The following KCNN2 variants were observed in gnomAD, a reference collection of about 807,000 sequenced individuals.
KCNN2 encodes small conductance calcium-activated potassium channel protein 2.
Under a neutral mutation model 55.5 loss-of-function variants are expected in KCNN2, and 24 were observed. The observed-to-expected ratio is 0.43, with a 90% confidence interval of 0.31 to 0.61. The LOEUF is 0.61. Among genes scored for constraint, KCNN2 ranks in the 20% least tolerant of loss-of-function variants. KCNN2 has a pLI of 0.08. For synonymous variants in KCNN2, 431 were observed against 336.1 expected, an observed-to-expected ratio of 1.28 and a Z score of -3.09; for missense variants, 754 against 853.6, an observed-to-expected ratio of 0.88 and a Z score of 1.45.
chr5:114,095,516 A>G (rs2112561497), intron 1 of KCNN2, among the ~76,000 whole-genome samples: 1 of 152,290 alleles, frequency 6.6e-6, no homozygotes, highest in South Asian at 2.1e-4. Context: ...TCACAGTGGA[A>G]TTACAAATTA....
intron 2 of KCNN2, among the ~76,000 whole-genome samples, chr5:114,291,445 T>C (rs1034161913): frequency 1.3e-5 from 2 of 152,112 alleles, no homozygotes; most frequent in Admixed American, 6.6e-5. Flanking sequence ...CAGTGTTCGG[T>C]TTTTTGTCCT....
chr5:114,295,706 C>G (rs759951677), intron 2 of KCNN2, among the ~76,000 whole-genome samples: 1 of 152,110 alleles, frequency 6.6e-6, no homozygotes, highest in Admixed American at 6.5e-5. Flanking sequence ...ACTAAACCCA[C>G]TTTCCTGCAC....
intron 3 of KCNN2, among the ~76,000 whole-genome samples, chr5:114,418,128 G>A (rs1279193491): frequency 1.3e-5 from 2 of 152,226 alleles, no homozygotes; most frequent in East Asian, 3.9e-4. Context: ...GATTACTAAT[G>A]GGAATATTAT....
chr5:114,292,691 A>G (rs533125615), intron 2 of KCNN2, among the ~76,000 whole-genome samples: 2 of 152,274 alleles, frequency 1.3e-5, no homozygotes, highest in Non-Finnish European at 2.9e-5. Flanking sequence ...TTTTGGTTCC[A>G]TATGAAGTTT....
intron 2 of KCNN2, among the ~76,000 whole-genome samples, chr5:114,254,794 A>C (rs1412956801): frequency 6.6e-6 from 1 of 152,176 alleles, no homozygotes; most frequent in Non-Finnish European, 1.5e-5. Flanking sequence ...TGTAACTTAA[A>C]AACAAGCAAA....
intron 3 of KCNN2, among the ~76,000 whole-genome samples, chr5:114,439,310 T>A (rs2150093192): frequency 6.6e-6 from 1 of 152,302 alleles, no homozygotes; most frequent in Non-Finnish European, 1.5e-5. Context: ...GTTCTTTTTT[T>A]AAAGAGAAAA....
At chr5:114,345,241 G>GA (rs977899993) in intron 2 of KCNN2, among the ~76,000 whole-genome samples, 20 of 151,068 alleles carry the variant, frequency 1.3e-4, no homozygotes, top group East Asian at 3.9e-4. Flanking sequence ...ACTCTTTGTG[G>GA]AAAAAAAAAT....
intron 1 of KCNN2, among the ~76,000 whole-genome samples, chr5:114,099,460 A>G (rs901822851): frequency 3.3e-5 from 5 of 152,122 alleles, no homozygotes; most frequent in Non-Finnish European, 5.9e-5. Flanking sequence ...GACTATTATT[A>G]GAGTCTTTTT....
chr5:114,315,315 G>T (rs1756478995), intron 2 of KCNN2, among the ~76,000 whole-genome samples: 1 of 151,884 alleles, frequency 6.6e-6, no homozygotes, highest in African/African-American at 2.4e-5. Context: ...GCAAATATAG[G>T]GCTCGTATTT....
At chr5:114,385,104 C>G (rs986329688) in intron 2 of KCNN2, among the ~76,000 whole-genome samples, 1 of 152,030 alleles carries the variant, frequency 6.6e-6, no homozygotes, top group Admixed American at 6.6e-5. Flanking sequence ...TATTTTGTTT[C>G]TGTTAAAATT....
chr5:114,335,638 A>G (rs181288594), intron 2 of KCNN2, among the ~76,000 whole-genome samples: 17 of 152,298 alleles, frequency 1.1e-4, no homozygotes, highest in Admixed American at 2.6e-4. Flanking sequence ...AAATTTAGAG[A>G]GAGATTTGGG....
intron 2 of KCNN2, among the ~76,000 whole-genome samples, chr5:114,297,358 TA>T (rs1756047712): frequency 6.6e-6 from 1 of 151,982 alleles, no homozygotes; most frequent in African/African-American, 2.4e-5. Flanking sequence ...TTATTAATTA[TA>T]AAATATAAAA....
chr5:114,377,337 T>A (rs1039618040), intron 2 of KCNN2, among the ~76,000 whole-genome samples: 2 of 152,176 alleles, frequency 1.3e-5, no homozygotes, highest in African/African-American at 4.8e-5. Flanking sequence ...ATATTGAGGA[T>A]CCCTGATGCT....
At position 114,175,027 on chromosome 5, in the gene KCNN2, C is replaced by T. The variant is rs374027317; in HGVS notation, c.-270-46453C>T. Among the ~76,000 whole-genome samples the T allele has an allele frequency of 9.2e-5, 14 of 152,284 alleles. 1 individual carries two copies. In the South Asian group the frequency reaches 2.9e-3, roughly 32 times the overall value. On this transcript the variant is annotated intron_variant, in intron 1 of 10. Coordinates refer to the KCNN2 transcript ENST00000512097. ...TCCAACACTGCATCGCTTTTAACCA[C>T]TGATACTATTTATTTGCTGGGCTGT...
chr5:114,336,513 G>A (rs562742467), intron 2 of KCNN2, among the ~76,000 whole-genome samples: 17 of 152,166 alleles, frequency 1.1e-4, no homozygotes, highest in Admixed American at 9.2e-4. Flanking sequence ...CTGTACTAGA[G>A]ATGCATCATT....
chr5:114,111,445 G>A (rs959232015), intron 1 of KCNN2, among the ~76,000 whole-genome samples: 5 of 151,964 alleles, frequency 3.3e-5, no homozygotes, highest in Admixed American at 6.6e-5. Context: ...ACTAAAACAC[G>A]AAAAGCAAGG....
intron 2 of KCNN2, among the ~76,000 whole-genome samples, chr5:114,338,790 C>G (rs528055160): frequency 6.6e-6 from 1 of 152,332 alleles, no homozygotes; most frequent in East Asian, 1.9e-4. Flanking sequence ...GCAGCCTGAA[C>G]TCAGCAGCCT....
intron 2 of KCNN2, among the ~76,000 whole-genome samples, chr5:114,326,895 G>T (rs997271932): frequency 6.6e-6 from 1 of 152,086 alleles, no homozygotes; most frequent in Admixed American, 6.6e-5. Context: ...TTCTGACTTG[G>T]AATAGAGAAG....
At chr5:114,119,330 T>A (rs1262280344) in intron 1 of KCNN2, among the ~76,000 whole-genome samples, 1 of 152,212 alleles carries the variant, frequency 6.6e-6, no homozygotes, top group East Asian at 1.9e-4. Flanking sequence ...CACAAAAGTC[T>A]GATAAATTAG....
Sources: gnomAD v4.1 joint callset for allele counts (sites outside exome capture counted in the v4.1 genomes callset) on GRCh38, gnomAD v4.1.1 for gene constraint, MANE v1.5 for transcripts, NCBI Gene and HGNC (gene_info 2026-07-23, HGNC 2026-07-21) for gene names.